Variants in FOXP1 observed in about 807,000 individuals in gnomAD.
The protein encoded by FOXP1 is forkhead box P1.
A neutral mutation model predicts 98.2 loss-of-function variants in FOXP1; 15 were observed. The observed-to-expected ratio is 0.15, with a 90% CI of 0.10 to 0.24. The LOEUF (loss-of-function observed/expected upper bound fraction) is 0.24, where lower values mean the gene tolerates loss of function less well. Ranked by LOEUF, FOXP1 falls within the 10% of genes least tolerant of loss-of-function variation. FOXP1 has a pLI of 1.00. For missense variants in FOXP1, 633 were observed against 848.5 expected, an observed-to-expected ratio of 0.75 and a Z score of 3.15; for synonymous variants, 371 against 314.5, an observed-to-expected ratio of 1.18 and a Z score of -1.90.
chr3:71,247,559 A>T (rs1244766566), intron 5 of FOXP1, among the ~76,000 whole-genome samples: 1 of 152,164 alleles, frequency 6.6e-6, no homozygotes, highest in African/African-American at 2.4e-5. Flanking sequence ...CCTGCGAGCG[A>T]CTTTGGTGGC....
At chr3:71,067,635 A>G (rs1191007735) in intron 7 of FOXP1, among the ~76,000 whole-genome samples, 1 of 151,910 alleles carries the variant, frequency 6.6e-6, no homozygotes. Context: ...AGTGGCTCAT[A>G]CTCATAATCC....
At chr3:71,506,885 GCTT>G (rs555612212) in intron 2 of FOXP1, among the ~76,000 whole-genome samples, 1 of 152,154 alleles carries the variant, frequency 6.6e-6, no homozygotes, top group Non-Finnish European at 1.5e-5. Context: ...CTCCATTTCT[GCTT>G]CTATAAAATG....
At chr3:71,357,737 G>A (rs1210532339) in intron 4 of FOXP1, among the ~76,000 whole-genome samples, 1 of 152,342 alleles carries the variant, frequency 6.6e-6, no homozygotes, top group East Asian at 1.9e-4. Flanking sequence ...AATGGCCTGA[G>A]AGCCAGCAGC....
intron 4 of FOXP1, among the ~76,000 whole-genome samples, chr3:71,327,669 G>T (rs1303128585): frequency 1.3e-5 from 2 of 152,028 alleles, no homozygotes; most frequent in South Asian, 4.1e-4. Context: ...TTACAGGTGT[G>T]AGCCACTGTG....
At chr3:71,265,217 A>G (rs1014726535) in intron 5 of FOXP1, among the ~76,000 whole-genome samples, 27 of 152,196 alleles carry the variant, frequency 1.8e-4, no homozygotes, top group African/African-American at 6.5e-4. Context: ...AAAATCAACT[A>G]TATCTGCCAA....
intron 2 of FOXP1, among the ~76,000 whole-genome samples, chr3:71,543,114 T>A (rs2107622512): frequency 6.6e-6 from 1 of 152,316 alleles, no homozygotes; most frequent in East Asian, 1.9e-4. Flanking sequence ...TCTGCCGAGT[T>A]ATTCCCCGCT....
intron 5 of FOXP1, among the ~76,000 whole-genome samples, chr3:71,237,638 G>A (rs2066912956): frequency 6.6e-6 from 1 of 152,248 alleles, no homozygotes; most frequent in Non-Finnish European, 1.5e-5. Context: ...GTATCAGGAA[G>A]CACAGAGTTT....
intron 6 of FOXP1, among the ~76,000 whole-genome samples, chr3:71,151,174 A>G (rs2108065355): frequency 6.6e-6 from 1 of 152,358 alleles, no homozygotes; most frequent in East Asian, 1.9e-4. Context: ...AAATGGGAAT[A>G]CTGCTACCTG....
chr3:71,498,372 T>G (rs866686609), intron 2 of FOXP1, among the ~76,000 whole-genome samples: 1 of 152,134 alleles, frequency 6.6e-6, no homozygotes, highest in Admixed American at 6.5e-5. Flanking sequence ...GACCTAGCAA[T>G]CAAGTTGTTT....
At chr3:71,264,651 G>A (rs974213744) in intron 5 of FOXP1, among the ~76,000 whole-genome samples, 1 of 152,110 alleles carries the variant, frequency 6.6e-6, no homozygotes, top group Non-Finnish European at 1.5e-5. Flanking sequence ...GAGGTTCCCA[G>A]CATCCTTGTC....
At chr3:71,544,310 A>G (rs2045173505) in intron 2 of FOXP1, among the ~76,000 whole-genome samples, 1 of 151,580 alleles carries the variant, frequency 6.6e-6, no homozygotes, top group South Asian at 2.1e-4. Context: ...CTGCTATAGC[A>G]TTGGTCAATT....
At chr3:71,126,796 A>G (rs997821894) in intron 6 of FOXP1, among the ~76,000 whole-genome samples, 4 of 150,634 alleles carry the variant, frequency 2.7e-5, no homozygotes, top group African/African-American at 9.8e-5. Flanking sequence ...TGTACCCCAG[A>G]CTGGGTTACA....
At chr3:71,203,877 G>A (rs1267643696) in intron 5 of FOXP1, among the ~76,000 whole-genome samples, 3 of 149,698 alleles carry the variant, frequency 2.0e-5, no homozygotes, top group Non-Finnish European at 4.4e-5. Context: ...TCCATGTGCA[G>A]AGAAAAAAGG....
intron 10 of FOXP1, among the ~76,000 whole-genome samples, chr3:71,045,188 G>A (rs1420411209): frequency 2.0e-5 from 3 of 152,172 alleles, no homozygotes; most frequent in Non-Finnish European, 2.9e-5. Flanking sequence ...TCCTAATGCT[G>A]CAGGGGCTAA....
chr3:70,959,411 G>A lies in FOXP1; in HGVS notation c.1890-20C>T, dbSNP rs1460997013. 6.2e-7 allele frequency: 1 copy of A among 1,613,906 alleles called. No homozygotes were observed. The highest frequency in any genetic ancestry group is 2.2e-5 in the East Asian group (1 of 44,844). On this transcript the variant is annotated intron_variant, in intron 20 of 20. Transcript: ENST00000649528. ...GGATGCCTGGAAAAAATATGCAGAG[G>A]TTCAGTGAGGGTACTTCCCAGCCCA... is the stretch of plus-strand genomic sequence containing the variant.
At chr3:71,334,734 T>A (rs1444046821) in intron 4 of FOXP1, 2 of 152,136 alleles carry the variant, frequency 1.3e-5, no homozygotes, top group Non-Finnish European at 2.9e-5. Flanking sequence ...AGCAAACTGT[T>A]ACGAAAATTC....
intron 17 of FOXP1, among the ~76,000 whole-genome samples, chr3:70,973,521 A>C (rs2036798104): frequency 6.6e-6 from 1 of 152,182 alleles, no homozygotes; most frequent in African/African-American, 2.4e-5. Context: ...TCAAGGGTGA[A>C]GAGCTTTTAA....
chr3:71,235,264 A>G (rs1251282167), intron 5 of FOXP1, among the ~76,000 whole-genome samples: 1 of 152,238 alleles, frequency 6.6e-6, no homozygotes, highest in East Asian at 1.9e-4. Flanking sequence ...CTGAAAATTT[A>G]CAATTAAAAT....
At chr3:71,478,342 C>A (rs2090013431) in intron 3 of FOXP1, among the ~76,000 whole-genome samples, 1 of 152,134 alleles carries the variant, frequency 6.6e-6, no homozygotes, top group Admixed American at 6.5e-5. Flanking sequence ...ATCATGCCTG[C>A]ATCAATAAAT....
Sources: gnomAD v4.1 joint callset for allele counts (sites outside exome capture counted in the v4.1 genomes callset) on GRCh38, gnomAD v4.1.1 for gene constraint, MANE v1.5 for transcripts, NCBI Gene and HGNC (gene_info 2026-07-23, HGNC 2026-07-21) for gene names.